Variants in PLXDC2 observed in about 807,000 individuals in gnomAD.
PLXDC2 encodes plexin domain containing 2, also known as plexin domain-containing protein 2.
Under a neutral mutation model 68.9 loss-of-function variants are expected in PLXDC2, and 40 were observed. That is an observed-to-expected ratio of 0.58 (90% confidence interval 0.45 to 0.76). The LOEUF is 0.76. PLXDC2 is among the 30% of genes least tolerant of loss of function. PLXDC2 has a pLI of 0.00. For synonymous variants in PLXDC2, 243 were observed against 234.2 expected, an observed-to-expected ratio of 1.04 and a Z score of -0.34; for missense variants, 644 against 661.9, an observed-to-expected ratio of 0.97 and a Z score of 0.30.
At chr10:20,211,859 C>T in intron 10 of PLXDC2, 130 bp downstream of exon 10, 1 of 805,704 alleles carries the variant, frequency 1.2e-6, no homozygotes, top group Non-Finnish European at 1.9e-6. Flanking sequence ...TTCTATAAGC[C>T]CAATGTCTGC....
intron 1 of PLXDC2, among the ~76,000 whole-genome samples, chr10:19,969,628 G>C (rs1017353485): frequency 3.9e-5 from 6 of 152,198 alleles, no homozygotes; most frequent in Admixed American, 6.5e-5. Context: ...GAATAGCTTA[G>C]AGTCCTTTGG....
chr10:20,240,553 A>G (rs979311153), intron 12 of PLXDC2, among the ~76,000 whole-genome samples: 11 of 152,220 alleles, frequency 7.2e-5, no homozygotes, highest in African/African-American at 2.4e-4. Context: ...TTTAAAATCA[A>G]AGCATATCAA....
At chr10:20,226,422 G>A (rs1564359881) in intron 12 of PLXDC2, among the ~76,000 whole-genome samples, 1 of 152,150 alleles carries the variant, frequency 6.6e-6, no homozygotes, top group Non-Finnish European at 1.5e-5. Flanking sequence ...TTAAGCTGTT[G>A]ACAAATGTAT....
At chr10:20,102,015 T>C (rs112735210) in intron 4 of PLXDC2, among the ~76,000 whole-genome samples, 3 of 152,054 alleles carry the variant, frequency 2.0e-5, no homozygotes, top group African/African-American at 7.2e-5. Context: ...TTGGCCAAGC[T>C]GGTCACAAAC....
At chr10:19,927,557 CT>C (rs1833556816) in intron 1 of PLXDC2, among the ~76,000 whole-genome samples, 1 of 151,450 alleles carries the variant, frequency 6.6e-6, no homozygotes, top group Non-Finnish European at 1.5e-5. Context: ...CAAAAATTAG[CT>C]GGGCGTGGTG....
intron 1 of PLXDC2, among the ~76,000 whole-genome samples, chr10:19,876,913 T>TA (rs916914022): frequency 6.6e-6 from 1 of 152,112 alleles, no homozygotes; most frequent in Non-Finnish European, 1.5e-5. Flanking sequence ...TGCAGGTACT[T>TA]AAAAAAACTC....
chr10:20,090,035 C>G (rs1378831925), intron 4 of PLXDC2, among the ~76,000 whole-genome samples: 1 of 152,070 alleles, frequency 6.6e-6, no homozygotes, highest in Non-Finnish European at 1.5e-5. Context: ...GCCAGTGGCA[C>G]CGCAGAGTGT....
intron 1 of PLXDC2, among the ~76,000 whole-genome samples, chr10:19,861,127 C>G (rs201677869): frequency 6.6e-6 from 1 of 151,654 alleles, no homozygotes; most frequent in African/African-American, 2.4e-5. Context: ...CTCTGCCTCC[C>G]GGGTTCAAGT....
chr10:20,165,378 C>A (rs1405008381), intron 7 of PLXDC2, among the ~76,000 whole-genome samples: 4 of 152,056 alleles, frequency 2.6e-5, no homozygotes, highest in African/African-American at 7.2e-5. Flanking sequence ...GCTACACCCA[C>A]TAACTCGTCA....
intron 3 of PLXDC2, among the ~76,000 whole-genome samples, chr10:20,052,966 ACC>A (rs1835931133): frequency 6.6e-6 from 1 of 152,042 alleles, no homozygotes; most frequent in African/African-American, 2.4e-5. Flanking sequence ...TTCCCTCTTT[ACC>A]ATCACTGCAT....
intron 9 of PLXDC2, among the ~76,000 whole-genome samples, chr10:20,203,692 T>C (rs1002457724): frequency 3.4e-4 from 52 of 152,004 alleles, no homozygotes; most frequent in Admixed American, 1.3e-4. Flanking sequence ...TGTAAATACA[T>C]ACATATTAGG....
Position 20,081,583 on chromosome 10 carries a change from A to G in PLXDC2, c.541+13344A>G, listed in dbSNP as rs184117395. On this transcript the variant is annotated intron_variant, in intron 4 of 13. Coordinates refer to ENST00000377252, the MANE Select transcript of PLXDC2 (RefSeq NM_032812.9). ...GCTTTCCAAAACTGACAGATGTCAA[A>G]CTAGGAAGCTCGGAGAAAAACAACT... 5.9e-5 allele frequency among the ~76,000 whole-genome samples: 9 copies of G among 152,332 alleles called. No homozygotes were observed. In the East Asian group the frequency reaches 1.7e-3, roughly 29 times the overall value.
chr10:20,030,195 AAAACAAAC>A (rs61347435), intron 2 of PLXDC2, among the ~76,000 whole-genome samples: 1 of 151,138 alleles, frequency 6.6e-6, no homozygotes, highest in South Asian at 2.1e-4. Context: ...GCTCAGGAAC[AAAACAAAC>A]AAACAAACAA....
At chr10:19,853,890 A>AC (rs1837166824) in intron 1 of PLXDC2, among the ~76,000 whole-genome samples, 1 of 151,994 alleles carries the variant, frequency 6.6e-6, no homozygotes, top group African/African-American at 2.4e-5. Flanking sequence ...GTCCAAATTT[A>AC]CCCCAGAAGG....
intron 12 of PLXDC2, among the ~76,000 whole-genome samples, chr10:20,225,307 AT>A (rs1234228394): frequency 1.3e-5 from 2 of 152,256 alleles, no homozygotes; most frequent in Admixed American, 6.5e-5. Flanking sequence ...CAGTCAAATT[AT>A]TTTTTGACTT....
chr10:19,987,628 C>T (rs1315666268), intron 1 of PLXDC2, among the ~76,000 whole-genome samples: 1 of 151,496 alleles, frequency 6.6e-6, no homozygotes, highest in African/African-American at 2.4e-5. Flanking sequence ...GTGGCGCGAT[C>T]TCGGCTCACT....
rs35216913 is a variant in PLXDC2 at position 19,991,347 on chromosome 10, C to CTTTT, written c.113-10415_113-10412dup. Among the ~76,000 whole-genome samples, 19 of 135,426 alleles carry CTTTT rather than the reference C, an allele frequency of 1.4e-4. No individual in the cohort carries two copies. In the South Asian group the frequency reaches 1.6e-3, roughly 12 times the overall value. The allele number at this position is 135,426 out of a possible 152,430, so 88.8% of individuals were successfully genotyped here. ...AAATTTCTATTTCTCATCATTTTCC[C>CTTTT]TTTTTTTTTTTTTTTTGGCTTAATG... On this transcript the variant is annotated intron_variant, in intron 1 of 13. Coordinates refer to ENST00000377252, the MANE Select transcript of PLXDC2 (RefSeq NM_032812.9).
chr10:20,219,714 C>A (rs1254417628), intron 12 of PLXDC2, among the ~76,000 whole-genome samples: 1 of 151,962 alleles, frequency 6.6e-6, no homozygotes, highest in East Asian at 1.9e-4. Context: ...GATCTTTTTC[C>A]TTTTAAACTA....
chr10:19,898,749 C>A (rs781028636), intron 1 of PLXDC2, among the ~76,000 whole-genome samples: 72 of 152,052 alleles, frequency 4.7e-4, no homozygotes, highest in Non-Finnish European at 8.8e-4. Flanking sequence ...TTACTCCTTG[C>A]CCATAGACGT....
Sources: gnomAD v4.1 joint callset for allele counts (sites outside exome capture counted in the v4.1 genomes callset) on GRCh38, gnomAD v4.1.1 for gene constraint, MANE v1.5 for transcripts, NCBI Gene and HGNC (gene_info 2026-07-23, HGNC 2026-07-21) for gene names.